RAP1GDS1: variants seen among roughly 807,000 people sequenced by gnomAD.
RAP1GDS1 encodes Rap1 GTPase-GDP dissociation stimulator 1.
Under a neutral mutation model 71.1 loss-of-function variants are expected in RAP1GDS1, and 35 were observed. That is an observed-to-expected ratio of 0.49 (90% CI 0.38 to 0.65). RAP1GDS1 has a LOEUF of 0.65. RAP1GDS1 is among the 30% of genes least tolerant of loss of function. RAP1GDS1 has a pLI of 0.00. For missense variants in RAP1GDS1, 663 were observed against 706.1 expected (o/e 0.94, Z 0.69); for synonymous variants, 229 against 243.1 (o/e 0.94, Z 0.54).
intron 12 of RAP1GDS1, among the ~76,000 whole-genome samples, chr4:98,423,814 G>C (rs1222176935): frequency 6.6e-6 from 1 of 152,136 alleles, no homozygotes; most frequent in Non-Finnish European, 1.5e-5. Flanking sequence ...AAAGTGTTGG[G>C]ATTACAAGCG....
intron 2 of RAP1GDS1, among the ~76,000 whole-genome samples, chr4:98,336,056 T>C (rs1734675976): frequency 6.6e-6 from 1 of 152,100 alleles, no homozygotes; most frequent in African/African-American, 2.4e-5. Context: ...CTTCATATTT[T>C]CCCCCAGGGT....
chr4:98,299,882 G>T (rs186372447), intron 2 of RAP1GDS1, among the ~76,000 whole-genome samples: 4 of 152,068 alleles, frequency 2.6e-5, no homozygotes, highest in East Asian at 3.9e-4. Flanking sequence ...GCCTCCCAAA[G>T]TACTAAGATT....
intron 2 of RAP1GDS1, among the ~76,000 whole-genome samples, chr4:98,312,961 C>G (rs1448724783): frequency 6.8e-6 from 1 of 146,750 alleles, no homozygotes; most frequent in Non-Finnish European, 1.5e-5. Flanking sequence ...CCCAGCTGCT[C>G]TGGAGACTGA....
intron 7 of RAP1GDS1, among the ~76,000 whole-genome samples, chr4:98,408,190 C>T (rs1049422564): frequency 6.6e-6 from 1 of 151,888 alleles, no homozygotes; most frequent in African/African-American, 2.4e-5. Context: ...CTCACTGCAG[C>T]CTCCACCTGG....
chr4:98,308,356 C>T (rs1294700425), intron 2 of RAP1GDS1, among the ~76,000 whole-genome samples: 1 of 131,000 alleles, frequency 7.6e-6, no homozygotes, highest in Non-Finnish European at 1.6e-5. Flanking sequence ...TGGTGTGTCT[C>T]TCTATTCCCA....
intron 1 of RAP1GDS1, among the ~76,000 whole-genome samples, chr4:98,272,028 T>C (rs956020467): frequency 6.6e-6 from 1 of 152,116 alleles, no homozygotes; most frequent in Non-Finnish European, 1.5e-5. Flanking sequence ...GAATTTGCAT[T>C]GTCAAGACCT....
chr4:98,370,485 T>G (rs1330837639), intron 4 of RAP1GDS1, among the ~76,000 whole-genome samples: 1 of 152,144 alleles, frequency 6.6e-6, no homozygotes, highest in Non-Finnish European at 1.5e-5. Flanking sequence ...TCCTTTCTCC[T>G]TTTTTCTCCA....
intron 2 of RAP1GDS1, among the ~76,000 whole-genome samples, chr4:98,313,841 T>C (rs1032359590): frequency 9.9e-5 from 15 of 152,088 alleles, no homozygotes; most frequent in African/African-American, 3.6e-4. Context: ...AGCAAGACCG[T>C]GTCTCAAGAA....
At chr4:98,380,007 G>A (rs952778000) in intron 5 of RAP1GDS1, among the ~76,000 whole-genome samples, 21 of 150,946 alleles carry the variant, frequency 1.4e-4, no homozygotes, top group Non-Finnish European at 2.7e-4. Flanking sequence ...GTAGAAACAC[G>A]TGGCCCTTTT....
intron 5 of RAP1GDS1, chr4:98,387,402 G>A (rs1424010576): frequency 1.5e-5 from 7 of 455,374 alleles, no homozygotes; most frequent in Non-Finnish European, 2.7e-5. Context: ...ACTCAGGGGG[G>A]AAAAGGTTCC....
intron 4 of RAP1GDS1, 143 bp downstream of exon 4, chr4:98,352,744 A>T (rs1737399017): frequency 4.5e-6 from 3 of 667,790 alleles, no homozygotes; most frequent in Non-Finnish European, 6.9e-6. Flanking sequence ...ATTTAGCAGA[A>T]TTTATGGAGA....
intron 1 of RAP1GDS1, among the ~76,000 whole-genome samples, chr4:98,281,890 T>C (rs930832062): frequency 1.3e-5 from 2 of 152,236 alleles, no homozygotes; most frequent in African/African-American, 4.8e-5. Flanking sequence ...TCATTGGTTC[T>C]GTTTATGTGA....
At chr4:98,266,550 A>G (rs916690728) in intron 1 of RAP1GDS1, among the ~76,000 whole-genome samples, 1 of 152,136 alleles carries the variant, frequency 6.6e-6, no homozygotes, top group Non-Finnish European at 1.5e-5. Flanking sequence ...AATAAATACT[A>G]ATTTTGCCTG....
rs1463514758 is a variant in RAP1GDS1 at position 98,404,613 on chromosome 4, TA to T, written c.763+14del. On this transcript the variant is annotated intron_variant, in intron 7 of 14. Transcript: ENST00000408927. ...CATTGGCAGAAAATGGTGAGAAACT[TA>T]AATGCACCTTTGGATTTTTGATCAT... 1 of 1,596,152 alleles carries T rather than the reference TA, an allele frequency of 6.3e-7. No homozygotes were observed.
At chr4:98,401,386 G>A (rs1415573562) in intron 6 of RAP1GDS1, among the ~76,000 whole-genome samples, 1 of 152,152 alleles carries the variant, frequency 6.6e-6, no homozygotes, top group Non-Finnish European at 1.5e-5. Context: ...ATGATGGAGA[G>A]TATGGTGAAC....
Position 98,277,132 on chromosome 4 carries a change from A to C in RAP1GDS1, c.4+15563A>C, listed in dbSNP as rs140726954. ...AAGCAAGCGCACACATACATAACAC[A>C]CACACAAACATGAAGAAGCTAATAC... On this transcript the variant is annotated intron_variant, in intron 1 of 14. Transcript: ENST00000408927. Among the ~76,000 whole-genome samples, 646 of 152,284 alleles carry C rather than the reference A, an allele frequency of 4.2e-3. 4 individuals are homozygous for C. Among genetic ancestry groups the C allele is most frequent in the African/African-American group, 0.015 (606 of 41,556 alleles).
At chr4:98,386,715 A>G (rs1277504913) in intron 5 of RAP1GDS1, among the ~76,000 whole-genome samples, 1 of 151,972 alleles carries the variant, frequency 6.6e-6, no homozygotes, top group African/African-American at 2.4e-5. Context: ...TAAGTAATCT[A>G]GTTTTTATAT....
At chr4:98,335,369 T>A (rs1734567486) in intron 2 of RAP1GDS1, among the ~76,000 whole-genome samples, 1 of 152,094 alleles carries the variant, frequency 6.6e-6, no homozygotes, top group South Asian at 2.1e-4. Flanking sequence ...GTGATGGTCT[T>A]TGTGGTTTTT....
At chr4:98,421,084 T>TA (rs1471727586) in intron 11 of RAP1GDS1, among the ~76,000 whole-genome samples, 171 bp from the exon 12 acceptor site, 1 of 152,190 alleles carries the variant, frequency 6.6e-6, no homozygotes, top group Non-Finnish European at 1.5e-5. Flanking sequence ...TTCACAGTGT[T>TA]ACAGAAGAAG....
Sources: gnomAD v4.1 joint callset for allele counts (sites outside exome capture counted in the v4.1 genomes callset) on GRCh38, gnomAD v4.1.1 for gene constraint, MANE v1.5 for transcripts, NCBI Gene and HGNC (gene_info 2026-07-23, HGNC 2026-07-21) for gene names.